CDKL2: variants seen among roughly 807,000 people sequenced by gnomAD.
CDKL2 encodes cyclin dependent kinase like 2.
CDKL2 carries 64 observed loss-of-function variants against 63.9 expected under a neutral mutation model. The ratio of observed to expected loss-of-function variants is 1.00; its 90% CI spans 0.82 to 1.23. The LOEUF (loss-of-function observed/expected upper bound fraction) is 1.23. Among genes scored for constraint, CDKL2 ranks in the 50% most tolerant of loss-of-function variants. The probability of loss-of-function intolerance (pLI) is 0.00; values close to 1 mark genes in which losing one functional copy is unlikely to be tolerated. For missense variants in CDKL2, 656 were observed against 668.0 expected (o/e 0.98, Z 0.20); for synonymous variants, 211 against 229.2 (o/e 0.92, Z 0.72).
At chr4:75,608,956 T>C (rs1367584629) in intron 3 of CDKL2, among the ~76,000 whole-genome samples, 1 of 148,100 alleles carries the variant, frequency 6.8e-6, no homozygotes, top group Non-Finnish European at 1.5e-5. Flanking sequence ...ATCGCACCAC[T>C]GTATTCCAGC....
At chr4:75,612,304 C>T (rs1729737628) in intron 3 of CDKL2, among the ~76,000 whole-genome samples, 1 of 152,090 alleles carries the variant, frequency 6.6e-6, no homozygotes, top group East Asian at 1.9e-4. Flanking sequence ...CAGAATGGCA[C>T]TCATGCCAGC....
chr4:75,610,769 T>A (rs1392689434), intron 3 of CDKL2, among the ~76,000 whole-genome samples: 1 of 152,178 alleles, frequency 6.6e-6, no homozygotes, highest in Non-Finnish European at 1.5e-5. Flanking sequence ...TGAGAATAAA[T>A]GTTCTCATTT....
In CDKL2 at chr4:75,627,619, A is replaced by G. The variant is rs149600101; in HGVS notation, c.-29-1602T>C. 2.4e-3 allele frequency among the ~76,000 whole-genome samples: 365 copies of G among 152,138 alleles called. 2 individuals are homozygous for G. Among genetic ancestry groups the G allele is most frequent in the Middle Eastern group, 6.8e-3 (2 of 294 alleles). ...AACTTTTTTGTTACACTGGATTTAGATCAATGTTGGAAATACTTATGCACC... is the reference window on the plus strand; with the variant it reads ...AACTTTTTTGTTACACTGGATTTAGGTCAATGTTGGAAATACTTATGCACC... On this transcript the variant is annotated intron_variant, in intron 1 of 13. Coordinates refer to ENST00000307465, the MANE Select transcript of CDKL2 (RefSeq NM_001330724.2).
chr4:75,579,527 T>G (rs1350617432), intron 13 of CDKL2, among the ~76,000 whole-genome samples: 1 of 151,154 alleles, frequency 6.6e-6, no homozygotes, highest in Non-Finnish European at 1.5e-5. Context: ...TACAAAAAAA[T>G]TAGCCCGGCA....
At chr4:75,584,230 G>T (rs935228618) in intron 12 of CDKL2, among the ~76,000 whole-genome samples, 1 of 152,222 alleles carries the variant, frequency 6.6e-6, no homozygotes, top group Non-Finnish European at 1.5e-5. Flanking sequence ...GGAGTGGTCA[G>T]AGAGATTCAA....
At chr4:75,592,610 C>A (rs1464994295) in intron 10 of CDKL2, among the ~76,000 whole-genome samples, 2 of 152,210 alleles carry the variant, frequency 1.3e-5, no homozygotes, top group Admixed American at 1.3e-4. Flanking sequence ...TCGGGCCTTA[C>A]ACTTCCTAGG....
chr4:75,600,203 G>C, intron 7 of CDKL2, 78 bp downstream of exon 7: 1 of 877,540 alleles, frequency 1.1e-6, no homozygotes. Flanking sequence ...AGAAATAAGA[G>C]AAGTGCTATT....
intron 10 of CDKL2, among the ~76,000 whole-genome samples, chr4:75,593,910 T>C (rs1435530427): frequency 2.6e-5 from 4 of 152,054 alleles, no homozygotes; most frequent in Non-Finnish European, 5.9e-5. Context: ...CCTTTGGGAA[T>C]ACATCCATAC....
intron 2 of CDKL2, among the ~76,000 whole-genome samples, chr4:75,622,012 G>T (rs1241564542): frequency 2.0e-4 from 30 of 152,020 alleles, no homozygotes. Context: ...GAGAAAGGAG[G>T]GGGTAACTGA....
intron 12 of CDKL2, among the ~76,000 whole-genome samples, chr4:75,584,843 T>C (rs1728403329): frequency 6.6e-6 from 1 of 152,204 alleles, no homozygotes; most frequent in African/African-American, 2.4e-5. Context: ...GAACTGTTTA[T>C]TTCTGGAACT....
chr4:75,629,283 A>T (rs988938842), intron 1 of CDKL2, among the ~76,000 whole-genome samples: 2 of 152,232 alleles, frequency 1.3e-5, no homozygotes, highest in African/African-American at 4.8e-5. Context: ...ACCAAAAAAA[A>T]TGACTTTAAG....
intron 2 of CDKL2, among the ~76,000 whole-genome samples, chr4:75,620,929 T>C (rs1730123735): frequency 8.6e-6 from 1 of 115,754 alleles, no homozygotes; most frequent in Admixed American, 1.1e-4. Flanking sequence ...GCAACAATTA[T>C]AGCTGAGCAT....
At chr4:75,604,114 G>C (rs1424913214) in intron 5 of CDKL2, among the ~76,000 whole-genome samples, 158 bp from the exon 6 acceptor site, 1 of 152,144 alleles carries the variant, frequency 6.6e-6, no homozygotes, top group African/African-American at 2.4e-5. Flanking sequence ...CCGTTACTGT[G>C]GTGGTATATG....
chr4:75,581,767 T>C (rs1166715673), intron 13 of CDKL2, 43 bp downstream of exon 13: 3 of 1,094,464 alleles, frequency 2.7e-6, no homozygotes, highest in Non-Finnish European at 2.8e-6. Flanking sequence ...AAATAGTACC[T>C]GTGAAAGGCT....
intron 3 of CDKL2, among the ~76,000 whole-genome samples, chr4:75,614,033 G>A (rs1729816411): frequency 6.6e-6 from 1 of 151,938 alleles, no homozygotes; most frequent in South Asian, 2.1e-4. Context: ...CTCCAGCCTG[G>A]GCGAAAGAGC....
At chr4:75,595,996 G>A (rs377006622) in intron 10 of CDKL2, 12 of 330,332 alleles carry the variant, frequency 3.6e-5, no homozygotes, top group South Asian at 2.9e-4. Flanking sequence ...AAGGAAGGAA[G>A]GAAGGAAGGA....
At chr4:75,581,779 C>G (rs1728273970) in intron 13 of CDKL2, 31 bp downstream of exon 13, 1 of 1,277,388 alleles carries the variant, frequency 7.8e-7, no homozygotes, top group African/African-American at 1.5e-5. Flanking sequence ...TGAAAGGCTG[C>G]ACAGCTTTAA....
At chr4:75,597,299 C>A in intron 8 of CDKL2, 63 bp from the exon 9 acceptor site, 1 of 1,037,616 alleles carries the variant, frequency 9.6e-7, no homozygotes, top group Non-Finnish European at 1.4e-6. Context: ...TTTACCTCTT[C>A]TTATAAAGTA....
chr4:75,598,178 C>T lies in CDKL2; in HGVS notation c.919G>A (p.Asp307Asn), dbSNP rs1333005242. The change falls in exon 8 of 14, where the codon GAT (aspartate) becomes AAT (asparagine). Residue 307 changes from aspartate to asparagine, a missense_variant. By Grantham distance (23) the Asp-to-Asn change is conservative (BLOSUM62 1). Coordinates refer to ENST00000307465, the MANE Select transcript of CDKL2 (RefSeq NM_001330724.2). The stretch of plus-strand genomic sequence containing the variant: ...TTAGATAAAGAAACATTTCTGGCAT[C>T]TTTCTGTACTTTTAACTGTAGTTCT... The part of the protein sequence containing the change: ...SQELQLKVQK[D>N]ARNVSLSKKS... 6.6e-7 allele frequency: 1 copy of T among 1,513,058 alleles called. No individual in the cohort carries two copies. The highest frequency in any genetic ancestry group is 1.4e-5 in the African/African-American group (1 of 71,888). 93.7% of individuals were successfully genotyped at this position (1,513,058 alleles called of 1,614,324 possible).
Sources: allele counts gnomAD v4.1 joint callset (sites outside exome capture counted in the v4.1 genomes callset), GRCh38; gene constraint gnomAD v4.1.1; transcripts MANE v1.5; gene names NCBI Gene and HGNC (gene_info 2026-07-23, HGNC 2026-07-21).